RBL1: variants seen among roughly 807,000 people sequenced by gnomAD.
RBL1 encodes the protein retinoblastoma-like protein 1.
In RBL1, 82 loss-of-function variants were observed where a neutral mutation model predicts 123.0. The observed-to-expected ratio is 0.67, with a 90% CI of 0.56 to 0.80. The LOEUF (loss-of-function observed/expected upper bound fraction) is 0.80, where lower values mean the gene tolerates loss of function less well. Among genes scored for constraint, RBL1 ranks in the 30% least tolerant of loss-of-function variants. The pLI, the probability that RBL1 is intolerant of heterozygous loss-of-function variation, is 0.00. For synonymous variants in RBL1, 405 were observed against 441.3 expected (o/e 0.92, Z 1.03); for missense variants, 1,171 against 1,299.6 (o/e 0.90, Z 1.52).
chr20:37,036,452 A>C (rs564712890), intron 14 of RBL1, among the ~76,000 whole-genome samples: 1 of 147,744 alleles, frequency 6.8e-6, no homozygotes, highest in Admixed American at 6.8e-5. Context: ...TAATTTTTCT[A>C]TTTTTAGTAG....
chr20:37,008,439 C>T (rs185292252), intron 19 of RBL1, among the ~76,000 whole-genome samples: 22 of 152,250 alleles, frequency 1.4e-4, no homozygotes, highest in African/African-American at 5.3e-4. Flanking sequence ...TTACTGAGCA[C>T]CCTCAATTGT....
chr20:37,057,044 C>T (rs146414240), intron 9 of RBL1, among the ~76,000 whole-genome samples: 2 of 146,256 alleles, frequency 1.4e-5, no homozygotes, highest in African/African-American at 2.5e-5. Flanking sequence ...TACCTACCTA[C>T]CTACCTATCT....
intron 2 of RBL1, among the ~76,000 whole-genome samples, chr20:37,083,450 CAA>C (rs1182050237): frequency 2.7e-5 from 4 of 149,364 alleles, no homozygotes; most frequent in African/African-American, 9.9e-5. Context: ...GCCTGGGTGA[CAA>C]GGTGAGACCC....
intron 8 of RBL1, 127 bp from the exon 9 acceptor site, chr20:37,061,396 T>G (rs2065092715): frequency 1.5e-6 from 2 of 1,303,506 alleles, no homozygotes; most frequent in Non-Finnish European, 2.0e-6. Context: ...AGCAATACTA[T>G]GCTAATAACA....
intron 2 of RBL1, among the ~76,000 whole-genome samples, chr20:37,078,144 T>C (rs1301378764): frequency 6.6e-6 from 1 of 152,208 alleles, no homozygotes; most frequent in Non-Finnish European, 1.5e-5. Flanking sequence ...ATTACCTAAG[T>C]GATGTCATAT....
In RBL1 at chr20:37,001,783, A is replaced by G. The variant is rs373493438; in HGVS notation, c.3036+1919T>C. Among the ~76,000 whole-genome samples, 50 of 151,686 alleles carry G rather than the reference A, an allele frequency of 3.3e-4. No homozygotes were observed. In the South Asian group the frequency reaches 3.7e-3, roughly 11 times the overall value. On this transcript the variant is annotated intron_variant, in intron 21 of 21. Coordinates refer to ENST00000373664, the MANE Select transcript of RBL1 (RefSeq NM_002895.5). ...AAGAAAAAAAATGGAAAAAAAAAAAAAAAGAAAAATAAGCTTCCCATTATG... is the reference window on the plus strand; with the variant it reads ...AAGAAAAAAAATGGAAAAAAAAAAAGAAAGAAAAATAAGCTTCCCATTATG...
At chr20:37,059,063 T>C (rs1220894052) in intron 9 of RBL1, among the ~76,000 whole-genome samples, 2 of 152,198 alleles carry the variant, frequency 1.3e-5, no homozygotes, top group East Asian at 1.9e-4. Flanking sequence ...AGATTTTTTT[T>C]CTTTTGCATT....
intron 2 of RBL1, among the ~76,000 whole-genome samples, chr20:37,075,385 A>T (rs185363239): frequency 6.6e-6 from 1 of 152,314 alleles, no homozygotes; most frequent in Non-Finnish European, 1.5e-5. Context: ...CTATTAAAAA[A>T]TACCTCCCCA....
rs188772149 is a variant in RBL1, at chr20:37,074,480, T to C, written c.291-6294A>G. 4.3e-4 allele frequency among the ~76,000 whole-genome samples: 64 copies of C among 148,346 alleles called. 1 individual carries two copies. The highest frequency in any genetic ancestry group is 3.6e-3 in the Admixed American group (53 of 14,832). On this transcript the variant is annotated intron_variant, in intron 2 of 21. Transcript: ENST00000373664. ...AGAATACACTATCCAAGCAAGTACA[T>C]GAAAAGGTGCTCAACATCATTAGCC...
At chr20:37,049,229 A>C in intron 11 of RBL1, 3 of 442,956 alleles carry the variant, frequency 6.8e-6, no homozygotes, top group Non-Finnish European at 1.2e-5. Flanking sequence ...AAACAAAAAA[A>C]AATTTAAAGA....
rs994740193 is a variant in RBL1, at chr20:36,996,384, G to C, written c.*2375C>G. On this transcript the variant is annotated 3_prime_UTR_variant, in exon 22 of 22. Transcript: ENST00000373664. The stretch of plus-strand genomic sequence containing the variant: ...ATAATCTCAATTCCAATTTTTATTA[G>C]CCATTCTATGTACATTGATACCAAG... 3.3e-5 allele frequency: 5 copies of C among 151,990 alleles called. No homozygotes were observed. Among genetic ancestry groups the C allele is most frequent in the African/African-American group, 1.2e-4 (5 of 41,376 alleles). The allele number at this position is 151,990 out of a possible 1,614,324, so 9.4% of individuals were successfully genotyped here.
chr20:37,037,462 A>T (rs1192189864), intron 14 of RBL1, among the ~76,000 whole-genome samples: 1 of 152,236 alleles, frequency 6.6e-6, no homozygotes, highest in Admixed American at 6.5e-5. Flanking sequence ...CTAAGTTTTT[A>T]AAAAAGAAAA....
intron 21 of RBL1, among the ~76,000 whole-genome samples, chr20:37,002,451 C>T (rs1167058949): frequency 1.4e-5 from 2 of 143,248 alleles, no homozygotes; most frequent in Non-Finnish European, 3.0e-5. Context: ...TCAAGCGATT[C>T]TCCTGCCTCA....
chr20:37,074,306 C>T (rs768610265), intron 2 of RBL1, among the ~76,000 whole-genome samples: 7 of 149,736 alleles, frequency 4.7e-5, no homozygotes, highest in Non-Finnish European at 7.4e-5. Context: ...CTTAGCTACT[C>T]GAGGGGCTGA....
chr20:37,035,436 C>A lies in RBL1; in HGVS notation c.1976G>T (p.Arg659Ile), dbSNP rs1456377990. 1 of 1,613,866 alleles carries A rather than the reference C, an allele frequency of 6.2e-7. No individual in the cohort carries two copies. The highest frequency in any genetic ancestry group is 8.5e-7 in the Non-Finnish European group (1 of 1,179,834). The change falls in exon 15 of 22, where the codon AGA becomes ATA. Residue 659 changes from arginine (R) to isoleucine (I), a missense_variant. Transcript: ENST00000373664. ...SSPTAGSAKRRLFGEDPPKEM... is the reference protein window; with the variant it reads ...SSPTAGSAKRILFGEDPPKEM... ...CTTTGGGGGGTCCTCTCCAAAGAGT[C>A]TTCTCTTAGCACTCCCTGCGGTAGG...
At position 37,022,765 on chromosome 20, in the gene RBL1, T is replaced by G. The variant is rs1237407422; in HGVS notation, c.2444A>C (p.Glu815Ala). ...ACACGTCCATATCTTCCTTCGTAACTCATTTGAAACATCCAGTTTTAGACA... is the reference window on the plus strand; with the variant it reads ...ACACGTCCATATCTTCCTTCGTAACGCATTTGAAACATCCAGTTTTAGACA... ...DLCLKLDVSN[E>A]LRRKIWTCFE... The change falls in exon 17 of 22, where the codon GAG becomes GCG. Residue 815 changes from glutamate (E) to alanine (A), a missense_variant. Glu to Ala is a moderately radical substitution (Grantham distance 107, BLOSUM62 -1). Transcript: ENST00000373664. 6.2e-7 allele frequency: 1 copy of G among 1,613,616 alleles called. No homozygotes were observed. Among genetic ancestry groups the G allele is most frequent in the African/African-American group, 1.3e-5 (1 of 74,916 alleles).
intron 18 of RBL1, among the ~76,000 whole-genome samples, chr20:37,020,100 T>A (rs2064316217): frequency 6.7e-6 from 1 of 149,726 alleles, no homozygotes; most frequent in Non-Finnish European, 1.5e-5. Context: ...TTTTTTTTTT[T>A]TTTTTTGAGA....
chr20:37,003,648 T>G, intron 21 of RBL1, 54 bp downstream of exon 21: 3 of 1,488,588 alleles, frequency 2.0e-6, no homozygotes, highest in Non-Finnish European at 2.7e-6. Flanking sequence ...AGAGGCAGGA[T>G]TAACAGTTAC....
intron 2 of RBL1, among the ~76,000 whole-genome samples, 198 bp downstream of exon 2, chr20:37,088,791 A>C (rs891190828): frequency 2.0e-5 from 3 of 152,102 alleles, no homozygotes; most frequent in Admixed American, 2.0e-4. Context: ...TGAACCCAGG[A>C]GGCAGAGATT....
Sources: allele counts gnomAD v4.1 joint callset (sites outside exome capture counted in the v4.1 genomes callset), GRCh38; gene constraint gnomAD v4.1.1; transcripts MANE v1.5; gene names NCBI Gene and HGNC (gene_info 2026-07-23, HGNC 2026-07-21).